Variants in ATL1 observed in about 807,000 individuals in gnomAD.
The protein encoded by ATL1 is atlastin GTPase 1, also known as atlastin-1.
ATL1 carries 31 observed loss-of-function variants against 75.5 expected under a neutral mutation model. That is an observed-to-expected ratio of 0.41 (90% CI 0.31 to 0.55). The LOEUF (loss-of-function observed/expected upper bound fraction) is 0.55. Ranked by LOEUF, ATL1 falls within the 20% of genes least tolerant of loss-of-function variation. ATL1 has a pLI of 0.27. For synonymous variants in ATL1, 226 were observed against 233.3 expected (o/e 0.97, Z 0.28); for missense variants, 405 against 662.6 (o/e 0.61, Z 4.27).
intron 8 of ATL1, among the ~76,000 whole-genome samples, chr14:50,617,204 ATTAAAT>A (rs1424356302): frequency 2.6e-5 from 4 of 152,226 alleles, no homozygotes; most frequent in Non-Finnish European, 5.9e-5. Context: ...TAATAATATG[ATTAAAT>A]TTAACTACTG....
chr14:50,601,549 A>C (rs532752105), intron 6 of ATL1, among the ~76,000 whole-genome samples: 1 of 152,324 alleles, frequency 6.6e-6, no homozygotes, highest in African/African-American at 2.4e-5. Flanking sequence ...ACGTCAACCA[A>C]CTTGCAAAAA....
intron 1 of ATL1, among the ~76,000 whole-genome samples, chr14:50,540,647 TTAAAG>T (rs1566705085): frequency 6.6e-6 from 1 of 152,174 alleles, no homozygotes; most frequent in African/African-American, 2.4e-5. Flanking sequence ...ATTCCAGTGA[TTAAAG>T]TAGAGATTTA....
intron 1 of ATL1, among the ~76,000 whole-genome samples, chr14:50,534,378 A>T (rs2038465454): frequency 6.6e-6 from 1 of 152,376 alleles, no homozygotes; most frequent in East Asian, 1.9e-4. Flanking sequence ...TAACCAATTG[A>T]TCAAGAAGAG....
At chr14:50,589,722 A>C (rs2039138043) in intron 2 of ATL1, among the ~76,000 whole-genome samples, 1 of 152,220 alleles carries the variant, frequency 6.6e-6, no homozygotes, top group Non-Finnish European at 1.5e-5. Context: ...TGAGCCAGAT[A>C]ATAGAACAAA....
chr14:50,593,086 C>T (rs1353147710), intron 4 of ATL1, among the ~76,000 whole-genome samples: 1 of 151,484 alleles, frequency 6.6e-6, no homozygotes, highest in Admixed American at 6.6e-5. Flanking sequence ...TTGTAATTCA[C>T]AGTGTAAGCC....
intron 1 of ATL1, among the ~76,000 whole-genome samples, chr14:50,568,935 A>G (rs1257891835): frequency 6.6e-6 from 1 of 152,170 alleles, no homozygotes; most frequent in Non-Finnish European, 1.5e-5. Context: ...TTTAATTTTA[A>G]TAACATACAA....
chr14:50,580,589 T>G (rs2039046217), intron 1 of ATL1, among the ~76,000 whole-genome samples: 1 of 152,142 alleles, frequency 6.6e-6, no homozygotes, highest in African/African-American at 2.4e-5. Context: ...TTTAAAAAAT[T>G]TATGTCTGGA....
chr14:50,585,955 T>C (rs1405049040), intron 1 of ATL1, among the ~76,000 whole-genome samples: 2 of 152,202 alleles, frequency 1.3e-5, no homozygotes, highest in Admixed American at 1.3e-4. Context: ...TGTATACTTA[T>C]CTCTACTCAT....
At chr14:50,616,638 G>A (rs1437366542) in intron 8 of ATL1, among the ~76,000 whole-genome samples, 1 of 151,886 alleles carries the variant, frequency 6.6e-6, no homozygotes, top group Non-Finnish European at 1.5e-5. Context: ...CCATCAAATT[G>A]TATTCACTTC....
chr14:50,560,239 C>A lies in ATL1; in HGVS notation c.-27C>A. 6.2e-7 allele frequency: 1 copy of A among 1,613,452 alleles called. No individual in the cohort carries two copies. The highest frequency in any genetic ancestry group is 8.5e-7 in the Non-Finnish European group (1 of 1,179,664). On this transcript the variant is annotated 5_prime_UTR_variant, in exon 1 of 14. Transcript: ENST00000358385. ...AAGGCAGCGAGCGCAGTGACAGCGC[C>A]TCACCGCCACCAGCTCCTGGACCAC...
intron 11 of ATL1, among the ~76,000 whole-genome samples, chr14:50,627,681 T>TAAGTAGTTTTCTTAGATTTGGATTC (rs2039534536): frequency 6.6e-6 from 1 of 152,238 alleles, no homozygotes; most frequent in African/African-American, 2.4e-5. Context: ...AATTTGGATA[T>TAAGTAGTTTTCTTAGATTTGGATTC]ACGTAGTTTT....
rs779829765 is a variant in ATL1 at position 50,620,750 on chromosome 14, T to C, written c.990+24T>C. ...AGGTATCACTCTCATTTCTAGAGCATTCGTGGGATAGATTTGACATATATT... is the reference window on the plus strand; with the variant it reads ...AGGTATCACTCTCATTTCTAGAGCACTCGTGGGATAGATTTGACATATATT... On this transcript the variant is annotated intron_variant, in intron 9 of 13. Transcript: ENST00000358385. 1.9e-6 allele frequency: 3 copies of C among 1,611,652 alleles called. No individual in the cohort carries two copies. The Admixed American group carries it at 5.0e-5, about 27-fold the overall frequency.
upstream of ATL1, among the ~76,000 whole-genome samples, chr14:50,556,776 T>C (rs747931666): frequency 1.3e-5 from 2 of 152,230 alleles, no homozygotes; most frequent in Non-Finnish European, 2.9e-5. Context: ...TACTTTCATT[T>C]ACTATAATGT....
In ATL1 at chr14:50,607,288, A is replaced by C. The variant is rs183454170; in HGVS notation, c.631-5971A>C. The stretch of plus-strand genomic sequence containing the variant: ...CTCAAAATATGACTTAAAAAAACAA[A>C]GCTAAACTTATTGCTTAGTGAACTA... On this transcript the variant is annotated intron_variant, in intron 6 of 13. Transcript: ENST00000358385. Among the ~76,000 whole-genome samples the C allele has an allele frequency of 2.6e-4, 40 of 152,214 alleles. 1 individual carries two copies. The highest frequency in any genetic ancestry group is 2.3e-3 in the Admixed American group (35 of 15,270).
chr14:50,613,573 A>G (rs1268308770), intron 7 of ATL1, among the ~76,000 whole-genome samples: 1 of 152,228 alleles, frequency 6.6e-6, no homozygotes, highest in Non-Finnish European at 1.5e-5. Context: ...CAAGACTGAC[A>G]GTGCAAATAT....
chr14:50,553,225 C>T (rs866002564), intron 1 of ATL1, among the ~76,000 whole-genome samples: 59 of 149,576 alleles, frequency 3.9e-4, no homozygotes, highest in Middle Eastern at 3.5e-3. Flanking sequence ...GAGCCGAGAT[C>T]GTGCCACTGC....
intron 1 of ATL1, among the ~76,000 whole-genome samples, chr14:50,537,344 A>G (rs894712993): frequency 2.6e-5 from 4 of 152,234 alleles, no homozygotes; most frequent in Non-Finnish European, 4.4e-5. Flanking sequence ...TGATGTATGG[A>G]AATGCCTGGA....
intron 8 of ATL1, among the ~76,000 whole-genome samples, chr14:50,616,455 G>GTTATTTATTTAT (rs200056004): frequency 7.8e-5 from 11 of 141,250 alleles, no homozygotes; most frequent in Admixed American, 7.2e-5. Context: ...ACCATGCCCG[G>GTTATTTATTTAT]TTATTTATTT....
chr14:50,565,947 T>G (rs934446336), intron 1 of ATL1, among the ~76,000 whole-genome samples: 1 of 152,168 alleles, frequency 6.6e-6, no homozygotes, highest in Admixed American at 6.6e-5. Context: ...TTATCAATAT[T>G]TTGTCACTCC....
Sources: gnomAD v4.1 joint callset for allele counts (sites outside exome capture counted in the v4.1 genomes callset) on GRCh38, gnomAD v4.1.1 for gene constraint, MANE v1.5 for transcripts, NCBI Gene and HGNC (gene_info 2026-07-23, HGNC 2026-07-21) for gene names.